The following DIXDC1 variants were observed in gnomAD, a reference collection of about 807,000 sequenced individuals.
DIXDC1 encodes the protein DIX domain containing 1.
A neutral mutation model predicts 103.1 loss-of-function variants in DIXDC1; 64 were observed. That is an observed-to-expected ratio of 0.62 (90% confidence interval 0.51 to 0.76). The LOEUF (loss-of-function observed/expected upper bound fraction) is 0.76, where lower values mean the gene tolerates loss of function less well. Among genes scored for constraint, DIXDC1 ranks in the 30% least tolerant of loss-of-function variants. The pLI, the probability that DIXDC1 is intolerant of heterozygous loss-of-function variation, is 0.00. For missense variants in DIXDC1, 759 were observed against 834.2 expected (o/e 0.91, Z 1.11); for synonymous variants, 266 against 298.5 (o/e 0.89, Z 1.12).
At chr11:111,993,127 T>C in intron 12 of DIXDC1, 123 bp downstream of exon 12, 1 of 1,123,318 alleles carries the variant, frequency 8.9e-7, no homozygotes, top group Middle Eastern at 2.9e-4. Context: ...TTATCCTTGC[T>C]TTTTAGAAGG....
rs1357373568 is a variant in DIXDC1, at chr11:111,998,104, A to G, written c.1756+1958A>G. On this transcript the variant is annotated intron_variant, in intron 17 of 19. Coordinates refer to ENST00000440460, the MANE Select transcript of DIXDC1 (RefSeq NM_001037954.4). This position sits in a 1 kb window ranked among gnomAD's most constrained non-coding sequence, Gnocchi z 4.1. ...TCGCCTAATCAAGTGGTTACTTTTT[A>G]AACCTTATCTTTCATTGTCTTTTCA... Among the ~76,000 whole-genome samples, 1 of 152,164 alleles carries G rather than the reference A, an allele frequency of 6.6e-6. No homozygotes were observed. Among genetic ancestry groups the G allele is most frequent in the Non-Finnish European group, 1.5e-5 (1 of 68,030 alleles).
chr11:111,955,833 CAAAAAAA>C (rs781822030), intron 1 of DIXDC1, among the ~76,000 whole-genome samples: 4 of 17,658 alleles, frequency 2.3e-4, no homozygotes, highest in Non-Finnish European at 5.9e-4. Context: ...GACTCTAGCT[CAAAAAAA>C]AAAAAAAAAA....
intron 7 of DIXDC1, 36 bp downstream of exon 7, chr11:111,982,523 C>A (rs1555173371): frequency 2.5e-6 from 4 of 1,598,836 alleles, no homozygotes; most frequent in Non-Finnish European, 3.4e-6. Flanking sequence ...CTTGTTATAC[C>A]AATTGATTAT....
intron 1 of DIXDC1, among the ~76,000 whole-genome samples, chr11:111,938,748 G>A (rs1000196790): frequency 1.3e-5 from 2 of 152,124 alleles, no homozygotes; most frequent in African/African-American, 2.4e-5. Context: ...TCTGGCCCCC[G>A]TGCCCTAGCG....
chr11:111,958,803 C>T lies in DIXDC1; in HGVS notation c.61-5746C>T, dbSNP rs1196545218. Among the ~76,000 whole-genome samples, 1 of 152,218 alleles carries T rather than the reference C, an allele frequency of 6.6e-6. No individual in the cohort carries two copies. Among genetic ancestry groups the T allele is most frequent in the Non-Finnish European group, 1.5e-5 (1 of 68,042 alleles). On this transcript the variant is annotated intron_variant, in intron 1 of 19. Coordinates refer to ENST00000440460, the MANE Select transcript of DIXDC1 (RefSeq NM_001037954.4). The surrounding 1 kb of genome is among the most constrained non-coding windows in gnomAD (Gnocchi z 4.2). The stretch of plus-strand genomic sequence containing the variant: ...AACCAATCAGTACACACTTCCTCCC[C>T]TTTGAAGCCCATCAAAACCCCAGAC...
intron 10 of DIXDC1, 139 bp downstream of exon 10, chr11:111,989,194 G>A: frequency 1.6e-6 from 1 of 632,566 alleles, no homozygotes; most frequent in Non-Finnish European, 2.6e-6. Flanking sequence ...TTGTGGGAGG[G>A]AAGTGAGACA....
chr11:111,942,595 A>G (rs1555168969), intron 1 of DIXDC1, among the ~76,000 whole-genome samples: 1 of 152,232 alleles, frequency 6.6e-6, no homozygotes. Context: ...TCATTCATCC[A>G]TTCATTCACA....
chr11:111,941,512 G>A (rs1966413548), intron 1 of DIXDC1, among the ~76,000 whole-genome samples: 1 of 151,984 alleles, frequency 6.6e-6, no homozygotes, highest in Non-Finnish European at 1.5e-5. Flanking sequence ...CCGCTTGGCA[G>A]TCCCTTAGAA....
chr11:111,947,557 A>C (rs1388843743), intron 1 of DIXDC1, among the ~76,000 whole-genome samples: 4 of 152,326 alleles, frequency 2.6e-5, no homozygotes, highest in South Asian at 2.1e-4. Flanking sequence ...TATAGGAAGA[A>C]CAGGGTCTTG....
chr11:111,927,316 G>C (rs764830717), exon 1 of DIXDC1: 3 of 152,486 alleles, frequency 2.0e-5, no homozygotes, highest in Non-Finnish European at 4.4e-5. Flanking sequence ...GGCAAAGCCA[G>C]AGCACTGGCA....
intron 1 of DIXDC1, among the ~76,000 whole-genome samples, chr11:111,959,269 G>A (rs587732709): frequency 5.3e-5 from 8 of 152,206 alleles, no homozygotes; most frequent in Non-Finnish European, 1.2e-4. Context: ...CCTTTGGGGA[G>A]CCCAGACCTA....
At chr11:111,963,787 C>T (rs1859647067) in intron 1 of DIXDC1, among the ~76,000 whole-genome samples, 1 of 152,166 alleles carries the variant, frequency 6.6e-6, no homozygotes, top group Admixed American at 6.5e-5. Context: ...TACGTAGATG[C>T]CTGACCAGTT....
rs137964636 is a variant in DIXDC1, at chr11:111,970,998, A to G, written c.316+2360A>G. 6.3e-3 allele frequency among the ~76,000 whole-genome samples: 966 copies of G among 152,324 alleles called. 9 individuals carry two copies. The highest frequency in any genetic ancestry group is 0.01 in the Non-Finnish European group (711 of 68,018). ...CTCAAGATGGAATAAAGACTTAAAT[A>G]TAAGACCTTGAACTATAAAAATCCT... is the stretch of plus-strand genomic sequence containing the variant. On this transcript the variant is annotated intron_variant, in intron 3 of 19. Coordinates refer to ENST00000440460, the MANE Select transcript of DIXDC1 (RefSeq NM_001037954.4).
intron 5 of DIXDC1, among the ~76,000 whole-genome samples, chr11:111,978,053 T>G (rs587691325): frequency 5.9e-4 from 90 of 152,296 alleles, no homozygotes; most frequent in Middle Eastern, 3.4e-3. Context: ...GAACTCTTCC[T>G]TATTGCCTAT....
intron 17 of DIXDC1, among the ~76,000 whole-genome samples, chr11:112,003,956 AT>A (rs1861146236): frequency 6.7e-6 from 1 of 150,170 alleles, no homozygotes; most frequent in Non-Finnish European, 1.5e-5. Context: ...ATGTGGGAGT[AT>A]TACTTGTGTC....
chr11:111,982,198 C>A, intron 6 of DIXDC1, 141 bp from the exon 7 acceptor site: 1 of 864,486 alleles, frequency 1.2e-6, no homozygotes, highest in South Asian at 2.2e-5. Flanking sequence ...ACAACCCCAC[C>A]TGGTGGAGAG....
chr11:111,952,718 G>A (rs1241938801), intron 1 of DIXDC1, among the ~76,000 whole-genome samples: 2 of 151,918 alleles, frequency 1.3e-5, no homozygotes, highest in Non-Finnish European at 2.9e-5. Context: ...TACTTAGGAG[G>A]CCGAGGCAGG....
At chr11:111,993,466 G>A (rs375485421) in intron 12 of DIXDC1, 30 bp from the exon 13 acceptor site, 49 of 1,612,484 alleles carry the variant, frequency 3.0e-5, no homozygotes, top group South Asian at 2.2e-4. Flanking sequence ...TGGTTTTGCC[G>A]CTCATCTTAA....
chr11:111,963,328 T>C (rs1859635112), intron 1 of DIXDC1, among the ~76,000 whole-genome samples: 1 of 152,206 alleles, frequency 6.6e-6, no homozygotes, highest in Non-Finnish European at 1.5e-5. Flanking sequence ...TCCTCCCACC[T>C]CCTCCTGATC....
Sources: allele counts gnomAD v4.1 joint callset (sites outside exome capture counted in the v4.1 genomes callset), GRCh38; gene constraint gnomAD v4.1.1; non-coding constraint Gnocchi (gnomAD v3.1); transcripts MANE v1.5; gene names NCBI Gene and HGNC (gene_info 2026-07-23, HGNC 2026-07-21).